The following RMND5B variants were observed in gnomAD, a reference collection of about 807,000 sequenced individuals.
RMND5B encodes required for meiotic nuclear division 5 homolog B.
A neutral mutation model predicts 50.4 loss-of-function variants in RMND5B; 42 were observed. The ratio of observed to expected loss-of-function variants is 0.83; its 90% CI spans 0.65 to 1.08. The LOEUF (loss-of-function observed/expected upper bound fraction) is 1.08, where lower values mean the gene tolerates loss of function less well. RMND5B is among the 50% of genes least tolerant of loss of function. The pLI, the probability that RMND5B is intolerant of heterozygous loss-of-function variation, is 0.00. For missense variants in RMND5B, 463 were observed against 508.5 expected, an observed-to-expected ratio of 0.91 and a Z score of 0.86; for synonymous variants, 220 against 210.0, an observed-to-expected ratio of 1.05 and a Z score of -0.41.
At position 178,143,615 on chromosome 5, in the gene RMND5B, C is replaced by G; in HGVS notation, c.427-12C>G. On this transcript the variant is annotated splice_polypyrimidine_tract_variant and intron_variant, in intron 5 of 10. Coordinates refer to ENST00000313386, the MANE Select transcript of RMND5B (RefSeq NM_022762.5). ...CTTCCAGTGGTGGGATCTCTTCTCT[C>G]TCTCCTTGTAGGAATCAACGCTGAA... 1 of 1,597,830 alleles carries G rather than the reference C, an allele frequency of 6.3e-7. No homozygotes were observed. Among genetic ancestry groups the G allele is most frequent in the Non-Finnish European group, 8.6e-7 (1 of 1,165,280 alleles).
At chr5:178,147,239 A>G (rs1756061062) in intron 8 of RMND5B, 4 of 434,234 alleles carry the variant, frequency 9.2e-6, no homozygotes, top group Admixed American at 7.9e-5. Flanking sequence ...TTCCCTAGTC[A>G]CACCAAGGAC....
Position 178,149,707 on chromosome 5 carries a change from A to T in RMND5B, c.*1675A>T, listed in dbSNP as rs369301843. 2.5e-4 allele frequency: 408 copies of T among 1,613,200 alleles called. No homozygotes were observed. Among genetic ancestry groups the T allele is most frequent in the Non-Finnish European group, 3.3e-4 (395 of 1,179,934 alleles). ...GCGGCAGGTGCCCAGGTGCTACCGG[A>T]GCCCCTCATAGGGGTAGGGGCAGGG... is the stretch of plus-strand genomic sequence containing the variant. On this transcript the variant is annotated 3_prime_UTR_variant, in exon 11 of 11. Coordinates refer to ENST00000313386, the MANE Select transcript of RMND5B (RefSeq NM_022762.5).
At chr5:178,139,319 C>T (rs555964411) in intron 3 of RMND5B, among the ~76,000 whole-genome samples, 77 of 151,122 alleles carry the variant, frequency 5.1e-4, no homozygotes, top group Admixed American at 8.6e-4. Flanking sequence ...AATTCTCGTG[C>T]CTCAGCTTCC....
chr5:178,144,196 C>T, intron 7 of RMND5B, 88 bp downstream of exon 7: 1 of 1,418,038 alleles, frequency 7.1e-7, no homozygotes. Flanking sequence ...GTCCCTGCAC[C>T]CATGTGGGGC....
At chr5:178,132,557 A>AT (rs1758373383) in intron 2 of RMND5B, among the ~76,000 whole-genome samples, 1 of 151,466 alleles carries the variant, frequency 6.6e-6, no homozygotes, top group African/African-American at 2.4e-5. Flanking sequence ...GACCACTTAC[A>AT]TGTGTCATGA....
chr5:178,147,561 G>A lies in RMND5B; in HGVS notation c.889G>A (p.Val297Met). 1.9e-6 allele frequency: 3 copies of A among 1,614,130 alleles called. No homozygotes were observed. The highest frequency in any genetic ancestry group is 1.3e-5 in the African/African-American group (1 of 75,020). Reference protein sequence around the residue: ...SFASGCVALPVLMNIKAVIEQ... With the variant: ...SFASGCVALPMLMNIKAVIEQ... ...TGCCTCTGGCTGTGTGGCGCTGCCT[G>A]TGTTGATGAACATCAAGGCTGTGAT... Residue 297 changes from valine to methionine, a missense_variant, in exon 9 of 11, where the codon GTG becomes ATG. By Grantham distance (21) the Val-to-Met change is conservative. Transcript: ENST00000313386.
In RMND5B at chr5:178,144,022, G is replaced by A. The variant is rs770042729; in HGVS notation, c.608G>A (p.Arg203His). ...EFKLHRLHFIRLLAGGPAKQL... is the reference protein window; with the variant it reads ...EFKLHRLHFIHLLAGGPAKQL... Reference sequence around the variant, plus strand: ...AAGCTGCACCGACTGCACTTCATCCGCCTCTTGGCAGGAGGCCCCGCGAAG... The same window carrying A: ...AAGCTGCACCGACTGCACTTCATCCACCTCTTGGCAGGAGGCCCCGCGAAG... The change falls in exon 7 of 11, where the codon CGC becomes CAC. Residue 203 changes from arginine to histidine, a missense_variant. Transcript: ENST00000313386. 14 of 1,614,120 alleles carry A rather than the reference G, an allele frequency of 8.7e-6. No homozygotes were observed. In the East Asian group the frequency reaches 1.6e-4, roughly 18 times the overall value.
In RMND5B at chr5:178,138,307, T is replaced by C. The variant is rs778751097; in HGVS notation, c.139+49T>C. ...CCCTGCGACAGCCTCCCTGAGGACATGGGAGACCCGAAGCTACTGAGTGAC... is the reference window on the plus strand; with the variant it reads ...CCCTGCGACAGCCTCCCTGAGGACACGGGAGACCCGAAGCTACTGAGTGAC... On this transcript the variant is annotated intron_variant, in intron 3 of 10. Coordinates refer to ENST00000313386, the MANE Select transcript of RMND5B (RefSeq NM_022762.5). This position sits in a 1 kb window ranked among gnomAD's most constrained non-coding sequence, Gnocchi z 5.1. The C allele has an allele frequency of 1.3e-6, 2 of 1,598,768 alleles. No individual in the cohort carries two copies. Among genetic ancestry groups the C allele is most frequent in the East Asian group, 4.5e-5 (2 of 44,136 alleles).
At chr5:178,144,762 T>C (rs1446596493) in intron 7 of RMND5B, among the ~76,000 whole-genome samples, 1 of 148,024 alleles carries the variant, frequency 6.8e-6, no homozygotes, top group Non-Finnish European at 1.5e-5. Flanking sequence ...GGCTCATGCC[T>C]GTAATTGCAG....
At chr5:178,139,956 T>A (rs533426211) in intron 3 of RMND5B, among the ~76,000 whole-genome samples, 2 of 152,268 alleles carry the variant, frequency 1.3e-5, no homozygotes, top group Admixed American at 1.3e-4. Flanking sequence ...TTACTTTTTT[T>A]AATCTGAGAC....
chr5:178,149,626 A>G lies in RMND5B; in HGVS notation c.*1594A>G, dbSNP rs991555957. On this transcript the variant is annotated 3_prime_UTR_variant, in exon 11 of 11. Transcript: ENST00000313386. ...CTTGGGGAACTGGGAAGATGCCGTC[A>G]GTGTGGGTGGGCAGGAGGACAGCCA... is the stretch of plus-strand genomic sequence containing the variant. 53 of 1,569,700 alleles carry G rather than the reference A, an allele frequency of 3.4e-5. No homozygotes were observed. Among genetic ancestry groups the G allele is most frequent in the Non-Finnish European group, 4.6e-5 (53 of 1,146,870 alleles).
chr5:178,136,616 C>T (rs769768730), intron 2 of RMND5B, among the ~76,000 whole-genome samples: 24 of 151,810 alleles, frequency 1.6e-4, no homozygotes, highest in Non-Finnish European at 2.5e-4. Flanking sequence ...GGCCGGGACT[C>T]ATGCTGGTGG....
chr5:178,142,585 C>T lies in RMND5B; in HGVS notation c.142C>T (p.Leu48Phe), dbSNP rs1307174647. 60 of 1,610,222 alleles carry T rather than the reference C, an allele frequency of 3.7e-5. 2 individuals are homozygous for T. The Admixed American group carries it at 9.5e-4, about 26-fold the overall frequency. ...QLRAELASAA[L>F]QGTPLSATLS... The stretch of plus-strand genomic sequence containing the variant: ...TCCTTATTCCACTTTCTCTGCAGCC[C>T]TCCAGGGGACCCCTCTCTCAGCCAC... The change falls in exon 4 of 11, where the codon CTC becomes TTC. Residue 48 changes from leucine (L) to phenylalanine (F), a missense_variant and splice_region_variant. By Grantham distance (22) the Leu-to-Phe change is conservative. Transcript: ENST00000313386.
chr5:178,140,554 C>T (rs1758873554), intron 3 of RMND5B, among the ~76,000 whole-genome samples: 1 of 151,928 alleles, frequency 6.6e-6, no homozygotes, highest in Non-Finnish European at 1.5e-5. Context: ...TTTGTAATCA[C>T]TAAGTAGTTT....
At position 178,150,396 on chromosome 5, in the gene RMND5B, TGAGACAG is replaced by T; in HGVS notation, c.*2366_*2372del. 7.9e-6 allele frequency: 2 copies of T among 254,730 alleles called. No homozygotes were observed. Among genetic ancestry groups the T allele is most frequent in the South Asian group, 4.2e-5 (1 of 23,578 alleles). The allele number at this position is 254,730 out of a possible 1,614,324, so 15.8% of individuals were successfully genotyped here. A position where few individuals can be genotyped will look rare whatever the true frequency, so the allele number is the denominator to read the frequency against. On this transcript the variant is annotated 3_prime_UTR_variant, in exon 11 of 11. Transcript: ENST00000313386. ...ACCCCCAGCCTCTATTTTTTTTTTT[TGAGACAG>T]GGCCTCACTCTGTCATGCAGTCTGG...
At chr5:178,141,526 A>C (rs1758942016) in intron 3 of RMND5B, 2 of 150,896 alleles carry the variant, frequency 1.3e-5, no homozygotes, top group South Asian at 4.2e-4. Context: ...ATAAAGTACA[A>C]CTCTGGATGG....
intron 3 of RMND5B, chr5:178,141,910 A>G (rs772054882): frequency 6.6e-6 from 1 of 152,042 alleles, no homozygotes; most frequent in South Asian, 2.1e-4. Flanking sequence ...AGATTTGCCT[A>G]TTTTGGACAG....
chr5:178,146,889 G>A (rs976584638), intron 8 of RMND5B: 20 of 156,944 alleles, frequency 1.3e-4, no homozygotes, highest in Middle Eastern at 3.2e-3. Context: ...TTAGACTGTT[G>A]ATGGTGTCTG....
intron 2 of RMND5B, among the ~76,000 whole-genome samples, 197 bp downstream of exon 2, chr5:178,131,573 T>TAA (rs33915769): frequency 0.017 from 2,324 of 139,184 alleles, 40 homozygotes; most frequent in African/African-American, 0.043. Flanking sequence ...GACTGTATAG[T>TAA]AAAAAAAAAA....
Sources: allele counts gnomAD v4.1 joint callset (sites outside exome capture counted in the v4.1 genomes callset), GRCh38; gene constraint gnomAD v4.1.1; non-coding constraint Gnocchi (gnomAD v3.1); transcripts MANE v1.5; gene names NCBI Gene and HGNC (gene_info 2026-07-23, HGNC 2026-07-21).